STRN3: variants seen among roughly 807,000 people sequenced by gnomAD.
STRN3 encodes striatin-3.
In STRN3, 29 loss-of-function variants were observed where a neutral mutation model predicts 95.6. The observed-to-expected ratio is 0.30, with a 90% CI of 0.23 to 0.41. The LOEUF (loss-of-function observed/expected upper bound fraction) is 0.41, where lower values mean the gene tolerates loss of function less well. Ranked by LOEUF, STRN3 falls within the 10% of genes least tolerant of loss-of-function variation. STRN3 has a pLI of 1.00. For missense variants in STRN3, 890 were observed against 972.1 expected, an observed-to-expected ratio of 0.92 and a Z score of 1.12; for synonymous variants, 331 against 357.6, an observed-to-expected ratio of 0.93 and a Z score of 0.84.
At position 30,905,431 on chromosome 14, in the gene STRN3, T is replaced by C. The variant is rs768486541; in HGVS notation, c.2016A>G (p.Ser672=). The C allele has an allele frequency of 1.6e-5, 25 of 1,602,054 alleles. No homozygotes were observed. Among genetic ancestry groups the C allele is most frequent in the Non-Finnish European group, 2.1e-5 (25 of 1,176,010 alleles). Residue 672 remains serine (S), a synonymous_variant, in exon 15 of 18, where the codon TCA becomes TCG. Coordinates refer to ENST00000357479, the MANE Select transcript of STRN3 (RefSeq NM_001083893.2). ...ATGAAAACTTACCAGAATCTACCTGTGATGAAAGTATCACCAATGACTGTG... is the reference window on the plus strand; with the variant it reads ...ATGAAAACTTACCAGAATCTACCTGCGATGAAAGTATCACCAATGACTGTG... ...ETSQSLVILS[S]QVDSGLQSNN...
chr14:30,934,326 AAATAAT>A (rs924473081), intron 7 of STRN3, among the ~76,000 whole-genome samples: 18 of 152,064 alleles, frequency 1.2e-4, no homozygotes, highest in African/African-American at 4.1e-4. Flanking sequence ...CTGTCTCAAA[AAATAAT>A]AATAATAACA....
intron 1 of STRN3, among the ~76,000 whole-genome samples, chr14:31,016,805 A>G (rs966022960): frequency 6.6e-6 from 1 of 152,116 alleles, no homozygotes; most frequent in African/African-American, 2.4e-5. Context: ...GGCCTCCCAA[A>G]GTGCTGGGAT....
intron 1 of STRN3, among the ~76,000 whole-genome samples, chr14:30,997,171 T>A (rs769629854): frequency 1.4e-4 from 21 of 151,844 alleles, no homozygotes; most frequent in Non-Finnish European, 1.5e-5. Context: ...AATTAAGGCC[T>A]GCATGGAAAA....
intron 1 of STRN3, among the ~76,000 whole-genome samples, chr14:30,970,946 T>C (rs1227277197): frequency 3.9e-5 from 6 of 152,230 alleles, no homozygotes. Flanking sequence ...GCCAGGATTC[T>C]ACAGCCTGGA....
chr14:30,911,074 G>C lies in STRN3; in HGVS notation c.1687C>G (p.Pro563Ala). The C allele has an allele frequency of 6.2e-7, 1 of 1,613,850 alleles. No homozygotes were observed. Among genetic ancestry groups the C allele is most frequent in the Non-Finnish European group, 8.5e-7 (1 of 1,179,926 alleles). Residue 563 changes from proline to alanine, a missense_variant, in exon 13 of 18, where the codon CCG becomes GCG. By Grantham distance (27) the Pro-to-Ala change is conservative. This residue lies in a region of STRN3 where 357 missense variants were observed against 422.8 expected (regional missense o/e 0.84). Transcript: ENST00000357479. ...TCATATGGATCTACACTGGGACTCG[G>C]CATATTCCACCACTGGATGGTTGCA... ...IDATIQWWNM[P>A]SPSVDPYDTY...
chr14:30,902,756 C>T, intron 15 of STRN3, 113 bp from the exon 16 acceptor site: 1 of 699,200 alleles, frequency 1.4e-6, no homozygotes, highest in Non-Finnish European at 2.3e-6. Context: ...AAACCTTTTG[C>T]ATAAAACAAA....
At chr14:30,984,726 C>T (rs1277091671) in intron 1 of STRN3, among the ~76,000 whole-genome samples, 2 of 151,212 alleles carry the variant, frequency 1.3e-5, no homozygotes, top group East Asian at 3.9e-4. Flanking sequence ...TGCAGTGAGC[C>T]AAGATTGCAC....
chr14:31,003,135 G>T (rs1291243983), intron 1 of STRN3, among the ~76,000 whole-genome samples: 1 of 151,646 alleles, frequency 6.6e-6, no homozygotes, highest in Non-Finnish European at 1.5e-5. Flanking sequence ...GGTGGTGGGT[G>T]CCTGTAATCC....
intron 1 of STRN3, among the ~76,000 whole-genome samples, chr14:30,995,633 C>T (rs1312352493): frequency 1.3e-5 from 2 of 152,084 alleles, no homozygotes; most frequent in Admixed American, 1.3e-4. Flanking sequence ...TTCCAAAACA[C>T]CTTAGGAAGA....
chr14:31,021,091 C>A (rs931813220), intron 1 of STRN3, among the ~76,000 whole-genome samples: 2 of 152,074 alleles, frequency 1.3e-5, no homozygotes, highest in South Asian at 4.2e-4. Flanking sequence ...ATAGTACTAG[C>A]GATGGGGAGG....
intron 1 of STRN3, among the ~76,000 whole-genome samples, chr14:31,020,712 C>T (rs1430537691): frequency 6.6e-6 from 1 of 152,018 alleles, no homozygotes; most frequent in Non-Finnish European, 1.5e-5. Context: ...AGTTCAAGAC[C>T]AGCCTGGGCA....
At chr14:30,899,744 C>A (rs1896253433) in intron 16 of STRN3, among the ~76,000 whole-genome samples, 1 of 151,928 alleles carries the variant, frequency 6.6e-6, no homozygotes, top group Non-Finnish European at 1.5e-5. Flanking sequence ...TGCACATACC[C>A]CCCCCACCCC....
At chr14:30,931,899 G>GT (rs1878555509) in intron 7 of STRN3, 1 of 152,004 alleles carries the variant, frequency 6.6e-6, no homozygotes, top group Non-Finnish European at 1.5e-5. Flanking sequence ...ATTCTCTAAT[G>GT]TGAGTAAGGA....
At chr14:31,023,343 C>A (rs532582444) in intron 1 of STRN3, among the ~76,000 whole-genome samples, 3 of 152,266 alleles carry the variant, frequency 2.0e-5, no homozygotes, top group Non-Finnish European at 4.4e-5. Flanking sequence ...GAATCAGAGA[C>A]AGAAGAGCTT....
At chr14:30,968,638 C>A (rs1379220747) in intron 1 of STRN3, among the ~76,000 whole-genome samples, 1 of 149,658 alleles carries the variant, frequency 6.7e-6, no homozygotes, top group Non-Finnish European at 1.5e-5. Context: ...AAGAAGGCAC[C>A]ACCGCACTCC....
intron 4 of STRN3, 144 bp downstream of exon 4, chr14:30,950,719 T>A: frequency 1.5e-6 from 1 of 671,426 alleles, no homozygotes; most frequent in Middle Eastern, 3.3e-4. Context: ...TTTAAAAAGA[T>A]CCAAGCATCT....
chr14:30,928,735 TTAG>T (rs1417785270), intron 8 of STRN3, among the ~76,000 whole-genome samples: 4 of 152,116 alleles, frequency 2.6e-5, no homozygotes, highest in African/African-American at 9.7e-5. Context: ...ATTGTTGTTG[TTAG>T]TAGTTGGATT....
At chr14:30,928,531 C>T (rs1878306408) in intron 8 of STRN3, among the ~76,000 whole-genome samples, 1 of 152,096 alleles carries the variant, frequency 6.6e-6, no homozygotes, top group South Asian at 2.1e-4. Flanking sequence ...TGAATTGCTA[C>T]TTTGAGAGAG....
At position 30,981,606 on chromosome 14, in the gene STRN3, A is replaced by ACACACACC. The variant is rs1491272307; in HGVS notation, c.283-25365_283-25364insGGTGTGTG. ...CACACACACACACACACACACACACACCCCATAATTCAGTGTGCTAAAGCA... is the reference window on the plus strand; with the variant it reads ...CACACACACACACACACACACACACACACACACCCCCCATAATTCAGTGTGCTAAAGCA... On this transcript the variant is annotated intron_variant, in intron 1 of 17. Coordinates refer to ENST00000357479, the MANE Select transcript of STRN3 (RefSeq NM_001083893.2). Among the ~76,000 whole-genome samples, 55 of 148,598 alleles carry ACACACACC rather than the reference A, an allele frequency of 3.7e-4. No homozygotes were observed. The East Asian group carries it at 8.6e-3, about 23-fold the overall frequency.
Sources: allele counts gnomAD v4.1 joint callset (sites outside exome capture counted in the v4.1 genomes callset), GRCh38; gene constraint gnomAD v4.1.1; regional missense constraint gnomAD v4.1.1; transcripts MANE v1.5; gene names NCBI Gene and HGNC (gene_info 2026-07-23, HGNC 2026-07-21).